Variants in CACNB2 observed in about 807,000 individuals in gnomAD.
CACNB2 encodes the protein calcium voltage-gated channel auxiliary subunit beta 2, also known as voltage-dependent L-type calcium channel subunit beta-2.
Under a neutral mutation model 73.3 loss-of-function variants are expected in CACNB2, and 42 were observed. That is an observed-to-expected ratio of 0.57 (90% confidence interval 0.45 to 0.74). The LOEUF is 0.74. Ranked by LOEUF, CACNB2 falls within the 30% of genes least tolerant of loss-of-function variation. The pLI, the probability that CACNB2 is intolerant of heterozygous loss-of-function variation, is 0.00. For missense variants in CACNB2, 940 were observed against 853.0 expected (o/e 1.10, Z -1.27); for synonymous variants, 348 against 310.3 (o/e 1.12, Z -1.28).
chr10:18,521,976 G>C (rs1178190858), intron 9 of CACNB2, among the ~76,000 whole-genome samples: 1 of 152,126 alleles, frequency 6.6e-6, no homozygotes, highest in Non-Finnish European at 1.5e-5. Context: ...AGGGGAGTGT[G>C]CAAAGCTTCA....
At chr10:18,378,726 G>A (rs2132346379) in intron 2 of CACNB2, among the ~76,000 whole-genome samples, 1 of 152,260 alleles carries the variant, frequency 6.6e-6, no homozygotes, top group Non-Finnish European at 1.5e-5. Flanking sequence ...ACTCCAGTCT[G>A]GGGAAACCCT....
At chr10:18,385,806 A>G (rs139794103) in intron 2 of CACNB2, among the ~76,000 whole-genome samples, 4 of 152,262 alleles carry the variant, frequency 2.6e-5, no homozygotes, top group Middle Eastern at 3.4e-3. Flanking sequence ...GTATCGCTAG[A>G]GATAACTTAT....
At position 18,539,641 on chromosome 10, in the gene CACNB2, T is replaced by C; in HGVS notation, c.1900T>C (p.Tyr634His). ...CAGCCGTCATAAATCCAAGGATCGC[T>C]ACTGTGAAAAGGATGGAGAAGTGAT... Reference protein sequence around the residue: ...QRSRHKSKDRYCEKDGEVISK... With the variant: ...QRSRHKSKDRHCEKDGEVISK... The change falls in exon 14 of 14, where the codon TAC (tyrosine) becomes CAC (histidine). Residue 634 changes from tyrosine (Y) to histidine (H), a missense_variant. Coordinates refer to ENST00000324631, the MANE Select transcript of CACNB2 (RefSeq NM_201596.3). The C allele has an allele frequency of 6.2e-7, 1 of 1,613,322 alleles. No homozygotes were observed. The highest frequency in any genetic ancestry group is 8.5e-7 in the Non-Finnish European group (1 of 1,179,900).
At chr10:18,492,611 ACT>A (rs1286773427) in intron 3 of CACNB2, among the ~76,000 whole-genome samples, 1 of 114,588 alleles carries the variant, frequency 8.7e-6, no homozygotes, top group Non-Finnish European at 1.7e-5. Flanking sequence ...ACAGAGCAAG[ACT>A]CTGTCTCAAA....
intron 3 of CACNB2, among the ~76,000 whole-genome samples, chr10:18,406,167 ATTGT>A (rs2044277128): frequency 2.6e-5 from 4 of 152,164 alleles, no homozygotes; most frequent in African/African-American, 7.2e-5. Context: ...AGAAGCTTCC[ATTGT>A]TTGTTTTGGG....
intron 3 of CACNB2, among the ~76,000 whole-genome samples, chr10:18,481,984 G>A (rs2048803723): frequency 6.6e-6 from 1 of 152,102 alleles, no homozygotes; most frequent in Non-Finnish European, 1.5e-5. Context: ...GTGCCTCCTG[G>A]GTTCAAGCAA....
chr10:18,196,681 C>T (rs919866124), intron 2 of CACNB2, among the ~76,000 whole-genome samples: 4 of 152,170 alleles, frequency 2.6e-5, no homozygotes, highest in Non-Finnish European at 4.4e-5. Context: ...TAACTTTTAT[C>T]ACATCTATTC....
rs1189815992 is a variant in CACNB2 at position 18,319,378 on chromosome 10, A to G, written c.214-82546A>G. Among the ~76,000 whole-genome samples the G allele has an allele frequency of 5.3e-5, 8 of 152,226 alleles. No homozygotes were observed. The East Asian group carries it at 1.5e-3, about 29-fold the overall frequency. On this transcript the variant is annotated intron_variant, in intron 2 of 13. Coordinates refer to ENST00000324631, the MANE Select transcript of CACNB2 (RefSeq NM_201596.3). ...AACCAGACACTGCATGTTCTCACTCATAAGTGGGAGTTGAAAAATGAGAAC... is the reference window on the plus strand; with the variant it reads ...AACCAGACACTGCATGTTCTCACTCGTAAGTGGGAGTTGAAAAATGAGAAC...
rs1279467202 is a variant in CACNB2, at chr10:18,140,533, C to G, written c.-204C>G. ...CGCCTCCCGAGCGGCTCGCTTCGCC[C>G]GATGCCCCGGCCCCGTCCCGCGCAC... On this transcript the variant is annotated 5_prime_UTR_variant, in exon 1 of 14. Coordinates refer to ENST00000324631, the MANE Select transcript of CACNB2 (RefSeq NM_201596.3). 3 of 326,196 alleles carry G rather than the reference C, an allele frequency of 9.2e-6. No individual in the cohort carries two copies. Among genetic ancestry groups the G allele is most frequent in the Non-Finnish European group, 1.6e-5 (3 of 182,346 alleles). 20.2% of individuals were successfully genotyped at this position (326,196 alleles called of 1,614,324 possible). A position where few individuals can be genotyped will look rare whatever the true frequency, so the allele number is the denominator to read the frequency against.
In CACNB2 at chr10:18,442,958, G is replaced by GTATATA. The variant is rs375916403; in HGVS notation, c.333+40921_333+40926dup. Among the ~76,000 whole-genome samples the GTATATA allele has an allele frequency of 9.5e-4, 21 of 22,094 alleles. 2 individuals are homozygous for GTATATA. The South Asian group carries it at 0.013, about 13-fold the overall frequency. 14.5% of individuals were successfully genotyped at this position (22,094 alleles called of 152,430 possible). A position where few individuals can be genotyped will look rare whatever the true frequency, so the allele number is the denominator to read the frequency against. On this transcript the variant is annotated intron_variant, in intron 3 of 13. Transcript: ENST00000324631. ...TATATATATGTGTATATATATATATGTATATATATATGTGTATATATATAT... is the reference window on the plus strand; with the variant it reads ...TATATATATGTGTATATATATATATGTATATATATATATATATGTGTATATATATAT...
At chr10:18,499,885 T>C (rs951503261) in intron 4 of CACNB2, among the ~76,000 whole-genome samples, 1 of 151,292 alleles carries the variant, frequency 6.6e-6, no homozygotes. Context: ...GCCAGTGGAT[T>C]GATTGAGCCT....
intron 2 of CACNB2, among the ~76,000 whole-genome samples, chr10:18,302,375 A>G (rs574965731): frequency 6.6e-6 from 1 of 152,320 alleles, no homozygotes; most frequent in Non-Finnish European, 1.5e-5. Flanking sequence ...TGTGAATGAC[A>G]TTATACAAAA....
intron 2 of CACNB2, among the ~76,000 whole-genome samples, chr10:18,317,085 T>TA (rs1448707296): frequency 1.3e-5 from 2 of 152,176 alleles, no homozygotes; most frequent in Non-Finnish European, 2.9e-5. Context: ...AACTTACAGC[T>TA]GTCTCCCCAT....
At chr10:18,163,669 T>C (rs1320317739) in intron 2 of CACNB2, among the ~76,000 whole-genome samples, 1 of 151,986 alleles carries the variant, frequency 6.6e-6, no homozygotes, top group African/African-American at 2.4e-5. Context: ...TACAGAAAGG[T>C]TATATAGGTG....
chr10:18,340,208 AAT>A (rs368008055), intron 2 of CACNB2, among the ~76,000 whole-genome samples: 243 of 152,280 alleles, frequency 1.6e-3, no homozygotes, highest in Middle Eastern at 6.8e-3. Flanking sequence ...ATGCTCTCAG[AAT>A]ATTGTGTTTA....
chr10:18,268,070 C>T (rs1164140498), intron 2 of CACNB2, among the ~76,000 whole-genome samples: 1 of 152,212 alleles, frequency 6.6e-6, no homozygotes, highest in African/African-American at 2.4e-5. Flanking sequence ...ATTATTCCCA[C>T]CTCCCTCTGC....
intron 6 of CACNB2, among the ~76,000 whole-genome samples, chr10:18,510,664 C>T (rs1369940094): frequency 6.6e-6 from 1 of 152,164 alleles, no homozygotes. Flanking sequence ...ATTCAATGGG[C>T]AAATCACAAA....
intron 2 of CACNB2, among the ~76,000 whole-genome samples, chr10:18,220,798 C>T (rs2035762630): frequency 6.6e-6 from 1 of 152,130 alleles, no homozygotes. Context: ...TTGCGCGTTC[C>T]TTATGGGAAT....
At chr10:18,244,623 A>C (rs2036789830) in intron 2 of CACNB2, among the ~76,000 whole-genome samples, 1 of 152,200 alleles carries the variant, frequency 6.6e-6, no homozygotes, top group Admixed American at 6.5e-5. Context: ...TTATGTAGGA[A>C]GACTTGAGAG....
Sources: gnomAD v4.1 joint callset for allele counts (sites outside exome capture counted in the v4.1 genomes callset) on GRCh38, gnomAD v4.1.1 for gene constraint, MANE v1.5 for transcripts, NCBI Gene and HGNC (gene_info 2026-07-23, HGNC 2026-07-21) for gene names.